The following RASEF variants were observed in gnomAD, a reference collection of about 807,000 sequenced individuals.
RASEF encodes RAS and EF-hand domain containing.
A neutral mutation model predicts 90.1 loss-of-function variants in RASEF; 68 were observed. The observed-to-expected ratio is 0.75, with a 90% CI of 0.62 to 0.92. The LOEUF (loss-of-function observed/expected upper bound fraction) is 0.92, where lower values mean the gene tolerates loss of function less well. Among genes scored for constraint, RASEF ranks in the 40% least tolerant of loss-of-function variants. RASEF has a pLI of 0.00. For synonymous variants in RASEF, 331 were observed against 345.2 expected (o/e 0.96, Z 0.46); for missense variants, 949 against 937.2 (o/e 1.01, Z -0.16).
chr9:83,052,923 T>G (rs910234076), intron 1 of RASEF, among the ~76,000 whole-genome samples: 1 of 148,286 alleles, frequency 6.7e-6, no homozygotes, highest in Non-Finnish European at 1.5e-5. Flanking sequence ...TTGTTATAAT[T>G]TCTGTTCTTT....
chr9:83,126,265 T>C, the RASEF span, among the ~76,000 whole-genome samples: 1 of 152,074 alleles, frequency 6.6e-6, no homozygotes, highest in Admixed American at 6.6e-5. Context: ...GGATTAGTGC[T>C]CCTGTAAGAA....
the RASEF span, among the ~76,000 whole-genome samples, chr9:83,176,323 G>C: frequency 6.6e-6 from 1 of 152,036 alleles, no homozygotes; most frequent in African/African-American, 2.4e-5. Flanking sequence ...GCTTTCTTGT[G>C]ATTATAGTTT....
the RASEF span, among the ~76,000 whole-genome samples, chr9:83,153,628 G>T: frequency 6.6e-6 from 1 of 152,270 alleles, no homozygotes; most frequent in East Asian, 1.9e-4. Context: ...ACTTGTCAAA[G>T]ACTTACAAAT....
the RASEF span, among the ~76,000 whole-genome samples, chr9:83,091,596 C>T: frequency 1.9e-4 from 29 of 152,086 alleles, no homozygotes; most frequent in African/African-American, 6.5e-4. Context: ...AAATGAACTC[C>T]TTATGGACAT....
At chr9:83,063,432 G>A (rs1432497759), upstream of RASEF, among the ~76,000 whole-genome samples, 1 of 152,226 alleles carries the variant, frequency 6.6e-6, no homozygotes, top group Non-Finnish European at 1.5e-5. Context: ...GGTAGGGGTA[G>A]GATTCCGAAT....
the RASEF span, among the ~76,000 whole-genome samples, chr9:83,099,751 C>T: frequency 4.6e-5 from 7 of 152,290 alleles, no homozygotes; most frequent in African/African-American, 1.4e-4. Context: ...ACCTGGAGCA[C>T]GCACAAAGAT....
At chr9:83,010,227 T>C (rs1249891102) in intron 5 of RASEF, among the ~76,000 whole-genome samples, 2 of 152,252 alleles carry the variant, frequency 1.3e-5, no homozygotes, top group Admixed American at 1.3e-4. Context: ...CCAGTGTGAT[T>C]TGAAAATTTC....
the RASEF span, among the ~76,000 whole-genome samples, chr9:83,072,357 T>C: frequency 6.6e-6 from 1 of 152,206 alleles, no homozygotes; most frequent in Non-Finnish European, 1.5e-5. Context: ...CCAGTATCCT[T>C]TCCCCACTTT....
Position 83,000,424 on chromosome 9 carries a change from A to G in RASEF, c.1575+9T>C. 1 of 1,613,086 alleles carries G rather than the reference A, an allele frequency of 6.2e-7. No homozygotes were observed. Among genetic ancestry groups the G allele is most frequent in the East Asian group, 2.2e-5 (1 of 44,866 alleles). On this transcript the variant is annotated intron_variant, in intron 11 of 16. Transcript: ENST00000376447. ...GTTCATGAATAGGAGTGTCTCGGAG[A>G]CCACCTACCTGGGGCGAGAGTGCTG... is the stretch of plus-strand genomic sequence containing the variant.
chr9:83,174,876 GC>G, the RASEF span, among the ~76,000 whole-genome samples: 1 of 152,072 alleles, frequency 6.6e-6, no homozygotes, highest in East Asian at 1.9e-4. Context: ...TTATTTAGAT[GC>G]TTTTAAAAAT....
At chr9:83,190,232 G>A in the RASEF span, among the ~76,000 whole-genome samples, 1 of 152,170 alleles carries the variant, frequency 6.6e-6, no homozygotes, top group Non-Finnish European at 1.5e-5. Flanking sequence ...TGTTATCCCT[G>A]TTACACGAAG....
At chr9:83,010,512 A>G (rs1256695448) in intron 5 of RASEF, among the ~76,000 whole-genome samples, 1 of 152,176 alleles carries the variant, frequency 6.6e-6, no homozygotes, top group Admixed American at 6.5e-5. Context: ...CACAGAATCC[A>G]GAAGGAGACA....
At chr9:83,134,427 C>T in the RASEF span, among the ~76,000 whole-genome samples, 1 of 151,100 alleles carries the variant, frequency 6.6e-6, no homozygotes, top group South Asian at 2.1e-4. Flanking sequence ...CACACACACA[C>T]ACACACACAC....
chr9:83,026,537 G>A (rs1829553296), intron 1 of RASEF, among the ~76,000 whole-genome samples: 1 of 152,014 alleles, frequency 6.6e-6, no homozygotes. Context: ...CAGATCTCCT[G>A]AGAACTCTTT....
In RASEF at chr9:83,018,961, T is replaced by TA. The variant is rs373903986; in HGVS notation, c.670-3062dup. ...GTGTGGGAACAATTGGATATCTACA[T>TA]AAAAAAAATATGAACATTGATCCAT... On this transcript the variant is annotated intron_variant, in intron 3 of 16. Transcript: ENST00000376447. Among the ~76,000 whole-genome samples, 3 of 151,760 alleles carry TA rather than the reference T, an allele frequency of 2.0e-5. 1 individual carries two copies. The highest frequency in any genetic ancestry group is 4.1e-4 in the South Asian group (2 of 4,824).
At chr9:83,147,074 CATA>C in the RASEF span, among the ~76,000 whole-genome samples, 1 of 142,516 alleles carries the variant, frequency 7.0e-6, no homozygotes, top group African/African-American at 2.5e-5. Context: ...ATGTACATCT[CATA>C]ATATTTTTGG....
chr9:83,085,359 C>G, the RASEF span, among the ~76,000 whole-genome samples: 1 of 152,196 alleles, frequency 6.6e-6, no homozygotes. Flanking sequence ...GCTGGTGGGA[C>G]ACAGTGGCTC....
intron 3 of RASEF, among the ~76,000 whole-genome samples, chr9:83,021,204 C>T (rs183421255): frequency 6.6e-6 from 1 of 152,116 alleles, no homozygotes; most frequent in Non-Finnish European, 1.5e-5. Context: ...CATGTCTAAC[C>T]CCTGTGAAGG....
chr9:83,125,843 C>T, the RASEF span, among the ~76,000 whole-genome samples: 1 of 152,158 alleles, frequency 6.6e-6, no homozygotes, highest in Non-Finnish European at 1.5e-5. Context: ...TCTGAGAAGT[C>T]CTGTGGTAAA....
Sources: gnomAD v4.1 joint callset for allele counts (sites outside exome capture counted in the v4.1 genomes callset) on GRCh38, gnomAD v4.1.1 for gene constraint, MANE v1.5 for transcripts, NCBI Gene and HGNC (gene_info 2026-07-23, HGNC 2026-07-21) for gene names.